MAP2: variants seen among roughly 807,000 people sequenced by gnomAD.
MAP2 encodes the protein microtubule-associated protein 2.
A neutral mutation model predicts 137.6 loss-of-function variants in MAP2; 14 were observed. The ratio of observed to expected loss-of-function variants is 0.10; its 90% confidence interval spans 0.07 to 0.16. The LOEUF (loss-of-function observed/expected upper bound fraction) is 0.16. Ranked by LOEUF, MAP2 falls within the 10% of genes least tolerant of loss-of-function variation. The pLI, the probability that MAP2 is intolerant of heterozygous loss-of-function variation, is 1.00. For missense variants in MAP2, 2,088 were observed against 2,191.5 expected (o/e 0.95, Z 0.94); for synonymous variants, 786 against 782.3 (o/e 1.00, Z -0.08).
At chr2:209,645,177 A>C (rs553671373) in intron 4 of MAP2, among the ~76,000 whole-genome samples, 1 of 152,222 alleles carries the variant, frequency 6.6e-6, no homozygotes, top group Admixed American at 6.5e-5. Context: ...GAGTGTATCA[A>C]ATTATTTTTT....
chr2:209,572,087 AT>A (rs985528161), intron 2 of MAP2, among the ~76,000 whole-genome samples: 1 of 151,998 alleles, frequency 6.6e-6, no homozygotes, highest in East Asian at 1.9e-4. Context: ...AATATAAGTG[AT>A]TTTTTAAAAA....
intron 3 of MAP2, among the ~76,000 whole-genome samples, chr2:209,594,569 T>C (rs1162657151): frequency 6.6e-6 from 1 of 152,166 alleles, no homozygotes; most frequent in African/African-American, 2.4e-5. Context: ...TAGAATATCT[T>C]CAAAATTTCT....
At chr2:209,470,986 G>C (rs1277798935) in intron 1 of MAP2, among the ~76,000 whole-genome samples, 1 of 152,030 alleles carries the variant, frequency 6.6e-6, no homozygotes, top group Non-Finnish European at 1.5e-5. Context: ...AAACTTATCA[G>C]TATTCATGTC....
chr2:209,653,892 A>G (rs2094962369), intron 5 of MAP2, among the ~76,000 whole-genome samples: 1 of 152,200 alleles, frequency 6.6e-6, no homozygotes, highest in Non-Finnish European at 1.5e-5. Flanking sequence ...GCTTTTCTAC[A>G]TGCAAGGTGT....
At position 209,693,134 on chromosome 2, in the gene MAP2, T is replaced by A; in HGVS notation, c.964T>A (p.Phe322Ile). 6.2e-7 allele frequency: 1 copy of A among 1,611,766 alleles called. No individual in the cohort carries two copies. The highest frequency in any genetic ancestry group is 1.7e-5 in the Admixed American group (1 of 59,564). ...PMPSPFQGGS[F>I]TLPLDVMKNE... The stretch of plus-strand genomic sequence containing the variant: ...GCCAAGTCCCTTTCAAGGGGGAAGC[T>A]TCACTCTTCCTTTAGATGTCATGAA... The change falls in exon 8 of 16, where the codon TTC becomes ATC. Residue 322 changes from phenylalanine to isoleucine, a missense_variant. Transcript: ENST00000682079.
At chr2:209,438,630 T>C (rs1182841590) in intron 1 of MAP2, among the ~76,000 whole-genome samples, 2 of 151,488 alleles carry the variant, frequency 1.3e-5, no homozygotes, top group Non-Finnish European at 3.0e-5. Context: ...CTCTCACCAT[T>C]GAGCTGAGGA....
At chr2:209,671,706 A>T (rs2048900183) in intron 5 of MAP2, among the ~76,000 whole-genome samples, 1 of 151,940 alleles carries the variant, frequency 6.6e-6, no homozygotes, top group Non-Finnish European at 1.5e-5. Flanking sequence ...ATTTACAGGC[A>T]CTGTCTCTTA....
chr2:209,531,864 G>A (rs2065159917), intron 2 of MAP2, among the ~76,000 whole-genome samples: 2 of 152,110 alleles, frequency 1.3e-5, no homozygotes, highest in Admixed American at 1.3e-4. Flanking sequence ...GGATCTTATT[G>A]AGAAAAGGTG....
rs1163478870 is a variant in MAP2 at position 209,693,579 on chromosome 2, T to G, written c.1409T>G (p.Ile470Arg). Residue 470 changes from isoleucine (I) to arginine (R), a missense_variant, in exon 8 of 16, where the codon ATA becomes AGA. Transcript: ENST00000682079. Reference protein sequence around the residue: ...SKPPKPADEEIGIIQTSTEHT... With the variant: ...SKPPKPADEERGIIQTSTEHT... ...CCCCCAAAACCTGCAGATGAAGAAA[T>G]AGGCATAATTCAGACCTCCACAGAG... The G allele has an allele frequency of 6.2e-7, 1 of 1,613,028 alleles. No individual in the cohort carries two copies. The highest frequency in any genetic ancestry group is 1.7e-5 in the Admixed American group (1 of 59,832).
chr2:209,525,873 A>G (rs1432180393), intron 2 of MAP2, among the ~76,000 whole-genome samples: 1 of 152,022 alleles, frequency 6.6e-6, no homozygotes, highest in Non-Finnish European at 1.5e-5. Context: ...AAAACTCTTC[A>G]CTATAGTAAC....
intron 2 of MAP2, among the ~76,000 whole-genome samples, chr2:209,569,787 T>G (rs1278173245): frequency 1.3e-5 from 2 of 151,866 alleles, no homozygotes; most frequent in Non-Finnish European, 3.0e-5. Context: ...TTTGATGATT[T>G]CTAACTTGAT....
intron 2 of MAP2, among the ~76,000 whole-genome samples, chr2:209,548,757 A>G (rs991628586): frequency 6.6e-6 from 1 of 152,114 alleles, no homozygotes; most frequent in Non-Finnish European, 1.5e-5. Flanking sequence ...ATGAGTTTTC[A>G]TGAGATCTGA....
chr2:209,656,020 C>T (rs530471576), intron 5 of MAP2, among the ~76,000 whole-genome samples: 1 of 152,278 alleles, frequency 6.6e-6, no homozygotes, highest in South Asian at 2.1e-4. Flanking sequence ...CAATCGTCAT[C>T]TTCTTCCCCC....
At chr2:209,540,265 A>G (rs1245606240) in intron 2 of MAP2, among the ~76,000 whole-genome samples, 2 of 152,046 alleles carry the variant, frequency 1.3e-5, no homozygotes, top group Non-Finnish European at 2.9e-5. Context: ...TAAGAAAAGT[A>G]AAAAAGGTAA....
chr2:209,627,236 A>G (rs1323961501), intron 4 of MAP2, among the ~76,000 whole-genome samples: 1 of 152,158 alleles, frequency 6.6e-6, no homozygotes, highest in Admixed American at 6.5e-5. Flanking sequence ...GGAGGAAACT[A>G]AAAAAGAAAT....
At chr2:209,502,015 T>C (rs2060442997) in intron 1 of MAP2, among the ~76,000 whole-genome samples, 1 of 152,148 alleles carries the variant, frequency 6.6e-6, no homozygotes, top group Admixed American at 6.5e-5. Context: ...TGTTTTGATA[T>C]ATATATATAC....
chr2:209,594,161 A>G (rs1579704265), intron 3 of MAP2, among the ~76,000 whole-genome samples: 2 of 144,862 alleles, frequency 1.4e-5, no homozygotes, highest in East Asian at 4.0e-4. Context: ...AAAAGCAGGC[A>G]TCCCAGAGGG....
chr2:209,593,906 G>GTACATATT (rs1553608753), intron 3 of MAP2, among the ~76,000 whole-genome samples: 1 of 117,280 alleles, frequency 8.5e-6, no homozygotes, highest in Non-Finnish European at 1.6e-5. Flanking sequence ...AAATATATAA[G>GTACATATT]TATATATTTA....
At chr2:209,446,157 T>C (rs1699008126) in intron 1 of MAP2, among the ~76,000 whole-genome samples, 1 of 151,810 alleles carries the variant, frequency 6.6e-6, no homozygotes, top group South Asian at 2.1e-4. Context: ...TCATATAGTT[T>C]CTTACTTTTT....
Sources: gnomAD v4.1 joint callset for allele counts (sites outside exome capture counted in the v4.1 genomes callset) on GRCh38, gnomAD v4.1.1 for gene constraint, MANE v1.5 for transcripts, NCBI Gene and HGNC (gene_info 2026-07-23, HGNC 2026-07-21) for gene names.